Variants in DLGAP1 observed in about 807,000 individuals in gnomAD.
DLGAP1 encodes the protein DLG associated protein 1, also known as disks large-associated protein 1.
Under a neutral mutation model 90.8 loss-of-function variants are expected in DLGAP1, and 11 were observed. The ratio of observed to expected loss-of-function variants is 0.12; its 90% CI spans 0.08 to 0.20. The LOEUF (loss-of-function observed/expected upper bound fraction) is 0.20. Ranked by LOEUF, DLGAP1 falls within the 10% of genes least tolerant of loss-of-function variation. DLGAP1 has a pLI of 1.00. For missense variants in DLGAP1, 1,050 were observed against 1,333.8 expected (o/e 0.79, Z 3.31); for synonymous variants, 558 against 540.7 (o/e 1.03, Z -0.44).
At chr18:4,093,217 G>A (rs2075616281) in intron 2 of DLGAP1, among the ~76,000 whole-genome samples, 1 of 152,086 alleles carries the variant, frequency 6.6e-6, no homozygotes, top group South Asian at 2.1e-4. Flanking sequence ...AAAAGTGAAG[G>A]CTACATTACA....
intron 9 of DLGAP1, among the ~76,000 whole-genome samples, chr18:3,562,686 A>C (rs2054206532): frequency 6.7e-6 from 1 of 149,484 alleles, no homozygotes; most frequent in African/African-American, 2.4e-5. Context: ...CTGGGATTAC[A>C]GACACGCGCC....
chr18:4,127,955 C>T (rs2076255088), intron 2 of DLGAP1, among the ~76,000 whole-genome samples: 1 of 152,178 alleles, frequency 6.6e-6, no homozygotes, highest in Admixed American at 6.6e-5. Context: ...CAATAGTCCA[C>T]AGTAAGACTG....
chr18:4,217,896 A>C (rs138533473), intron 1 of DLGAP1, among the ~76,000 whole-genome samples: 382 of 152,150 alleles, frequency 2.5e-3, no homozygotes, highest in African/African-American at 8.9e-3. Context: ...GTTTTTTCTG[A>C]AAGTAGTTTT....
intron 3 of DLGAP1, among the ~76,000 whole-genome samples, chr18:3,982,186 T>C (rs9953830): frequency 0.38 from 57,935 of 151,922 alleles, 11,327 homozygotes; most frequent in Non-Finnish European, 0.42. Flanking sequence ...CAGAAAATCC[T>C]AAGGCAAAGC....
intron 10 of DLGAP1, among the ~76,000 whole-genome samples, chr18:3,509,589 G>A (rs764019748): frequency 6.6e-6 from 1 of 152,180 alleles, no homozygotes; most frequent in Non-Finnish European, 1.5e-5. Context: ...TCAAAAACTA[G>A]AGCAGGAGAA....
chr18:3,685,762 A>G (rs2060683261), intron 7 of DLGAP1, among the ~76,000 whole-genome samples: 1 of 152,080 alleles, frequency 6.6e-6, no homozygotes, highest in Non-Finnish European at 1.5e-5. Context: ...CTACCCTTTA[A>G]ATCCTCATTA....
intron 3 of DLGAP1, among the ~76,000 whole-genome samples, chr18:3,967,781 T>A (rs565747702): frequency 1.3e-5 from 2 of 152,192 alleles, no homozygotes; most frequent in Non-Finnish European, 2.9e-5. Flanking sequence ...TTTTAAAAAT[T>A]CGAGTTTATG....
chr18:4,282,799 C>A (rs553553740), intron 1 of DLGAP1, among the ~76,000 whole-genome samples: 1 of 152,260 alleles, frequency 6.6e-6, no homozygotes, highest in Non-Finnish European at 1.5e-5. Flanking sequence ...CAGCAGCATG[C>A]CTCTGACTTA....
intron 5 of DLGAP1, among the ~76,000 whole-genome samples, chr18:3,808,480 C>T (rs1409352658): frequency 6.6e-6 from 1 of 152,152 alleles, no homozygotes; most frequent in Non-Finnish European, 1.5e-5. Context: ...GTTGTATTTT[C>T]TTGTTCTCCC....
At chr18:4,042,402 T>C (rs1393377990) in intron 2 of DLGAP1, among the ~76,000 whole-genome samples, 1 of 152,224 alleles carries the variant, frequency 6.6e-6, no homozygotes, top group Admixed American at 6.5e-5. Flanking sequence ...CAAGTTTGTA[T>C]CTGCAAGACT....
At chr18:3,646,818 G>C (rs1274737149) in intron 7 of DLGAP1, among the ~76,000 whole-genome samples, 2 of 152,082 alleles carry the variant, frequency 1.3e-5, no homozygotes, top group African/African-American at 4.8e-5. Flanking sequence ...CCAGCTACTC[G>C]GGAGGCTGAA....
At chr18:3,664,701 T>G (rs1416459266) in intron 7 of DLGAP1, among the ~76,000 whole-genome samples, 1 of 152,214 alleles carries the variant, frequency 6.6e-6, no homozygotes, top group Non-Finnish European at 1.5e-5. Context: ...TGATTGACGC[T>G]AGTCTCTACC....
At position 3,727,272 on chromosome 18, in the gene DLGAP1, C is replaced by T. The variant is rs937069697; in HGVS notation, c.1591+1863G>A. On this transcript the variant is annotated intron_variant, in intron 7 of 12. Coordinates refer to ENST00000315677, the MANE Select transcript of DLGAP1 (RefSeq NM_004746.4). The surrounding 1 kb of genome is among the most constrained non-coding windows in gnomAD (Gnocchi z 4.7). ...AGAAGTGTCTTAGGAGGGCAGACCC[C>T]ATGTGTGTTTGGAGTGAAGAGCATG... Among the ~76,000 whole-genome samples, 1 of 152,060 alleles carries T rather than the reference C, an allele frequency of 6.6e-6. No homozygotes were observed. Among genetic ancestry groups the T allele is most frequent in the Admixed American group, 6.5e-5 (1 of 15,270 alleles).
rs917575395 is a variant in DLGAP1 at position 4,243,150 on chromosome 18, C to T, written c.-266-91863G>A. On this transcript the variant is annotated intron_variant, in intron 1 of 12. Transcript: ENST00000315677. ...GAATCATTCTTGGACACCTAAAACA[C>T]CAGTTTCTTGGAACACATTATTTAA... Among the ~76,000 whole-genome samples, 5 of 122,334 alleles carry T rather than the reference C, an allele frequency of 4.1e-5. No individual in the cohort carries two copies. The East Asian group carries it at 1.2e-3, about 29-fold the overall frequency. The allele number at this position is 122,334 out of a possible 152,430, so 80.3% of individuals were successfully genotyped here.
At chr18:4,226,568 G>T (rs1477731581) in intron 1 of DLGAP1, among the ~76,000 whole-genome samples, 1 of 151,410 alleles carries the variant, frequency 6.6e-6, no homozygotes, top group African/African-American at 2.4e-5. Flanking sequence ...TTAAAGTATA[G>T]AGTTTTTATT....
chr18:4,312,730 C>T (rs181834104), intron 1 of DLGAP1, among the ~76,000 whole-genome samples: 1 of 152,066 alleles, frequency 6.6e-6, no homozygotes, highest in Non-Finnish European at 1.5e-5. Context: ...TATTTTATTT[C>T]TAATATTATA....
intron 7 of DLGAP1, among the ~76,000 whole-genome samples, chr18:3,719,556 CAAAAAAA>C (rs60129859): frequency 3.4e-5 from 2 of 58,426 alleles, no homozygotes; most frequent in Non-Finnish European, 7.4e-5. Flanking sequence ...GACTCTGTCT[CAAAAAAA>C]AAAAAAAAAA....
chr18:3,983,869 C>CA (rs2073788078), intron 3 of DLGAP1: 1 of 152,124 alleles, frequency 6.6e-6, no homozygotes, highest in South Asian at 2.1e-4. Context: ...AGTTCTTAGA[C>CA]AACACCCCTA....
chr18:3,787,641 T>C (rs2065522845), intron 5 of DLGAP1, among the ~76,000 whole-genome samples: 1 of 152,106 alleles, frequency 6.6e-6, no homozygotes, highest in African/African-American at 2.4e-5. Flanking sequence ...GGCTGCATGA[T>C]CCTCTTGGCA....
Sources: allele counts gnomAD v4.1 joint callset (sites outside exome capture counted in the v4.1 genomes callset), GRCh38; gene constraint gnomAD v4.1.1; non-coding constraint Gnocchi (gnomAD v3.1); transcripts MANE v1.5; gene names NCBI Gene and HGNC (gene_info 2026-07-23, HGNC 2026-07-21).